Variants in SPOCK1 observed in about 807,000 individuals in gnomAD.
SPOCK1 encodes SPARC (osteonectin), cwcv and kazal like domains proteoglycan 1.
A neutral mutation model predicts 55.3 loss-of-function variants in SPOCK1; 23 were observed. The ratio of observed to expected loss-of-function variants is 0.42; its 90% CI spans 0.30 to 0.59. The LOEUF (loss-of-function observed/expected upper bound fraction) is 0.59. Among genes scored for constraint, SPOCK1 ranks in the 20% least tolerant of loss-of-function variants. The pLI is 0.22. For synonymous variants in SPOCK1, 226 were observed against 221.0 expected (o/e 1.02, Z -0.20); for missense variants, 499 against 552.5 (o/e 0.90, Z 0.97).
chr5:137,362,930 A>C (rs972707981), intron 2 of SPOCK1, among the ~76,000 whole-genome samples: 2 of 152,292 alleles, frequency 1.3e-5, no homozygotes, highest in South Asian at 4.1e-4. Context: ...AGATTAAATC[A>C]CTTGCCAGGC....
chr5:137,413,626 C>T (rs1358439355), intron 2 of SPOCK1, among the ~76,000 whole-genome samples: 1 of 152,146 alleles, frequency 6.6e-6, no homozygotes, highest in African/African-American at 2.4e-5. Flanking sequence ...CAAACCAAGA[C>T]CTGAGCTACA....
chr5:137,064,809 A>G (rs1752466009), intron 6 of SPOCK1, among the ~76,000 whole-genome samples: 1 of 152,134 alleles, frequency 6.6e-6, no homozygotes, highest in Admixed American at 6.6e-5. Context: ...CTCTTGCTCA[A>G]TTTTGTCCAG....
At chr5:137,362,550 G>A (rs1216314987) in intron 2 of SPOCK1, among the ~76,000 whole-genome samples, 2 of 151,740 alleles carry the variant, frequency 1.3e-5, no homozygotes, top group South Asian at 2.1e-4. Flanking sequence ...GGATGGTCTC[G>A]ATCTCCTGAC....
chr5:137,492,176 G>GCACATAACCCAGACTTGGA, intron 2 of SPOCK1, among the ~76,000 whole-genome samples: 1 of 152,108 alleles, frequency 6.6e-6, no homozygotes, highest in African/African-American at 2.4e-5. Context: ...CCAGCCCTGG[G>GCACATAACCCAGACTTGGA]CACATAACCC....
intron 3 of SPOCK1, among the ~76,000 whole-genome samples, chr5:137,179,103 C>T (rs1754917249): frequency 6.6e-6 from 1 of 152,158 alleles, no homozygotes; most frequent in Admixed American, 6.5e-5. Context: ...TTTCCTCCGA[C>T]ATCAAAAACA....
At chr5:136,985,592 T>C (rs1422218043) in intron 8 of SPOCK1, among the ~76,000 whole-genome samples, 2 of 152,024 alleles carry the variant, frequency 1.3e-5, no homozygotes, top group Non-Finnish European at 2.9e-5. Context: ...AGGTGACAAA[T>C]ACTTATATAG....
intron 3 of SPOCK1, among the ~76,000 whole-genome samples, chr5:137,239,497 A>C (rs1756243220): frequency 6.6e-6 from 1 of 152,228 alleles, no homozygotes; most frequent in Non-Finnish European, 1.5e-5. Context: ...ATGTATAGCC[A>C]GTCATCAGAG....
At position 137,170,149 on chromosome 5, in the gene SPOCK1, G is replaced by T. The variant is rs191541806; in HGVS notation, c.233-29455C>A. 2.0e-5 allele frequency among the ~76,000 whole-genome samples: 3 copies of T among 152,278 alleles called. No homozygotes were observed. In the East Asian group the frequency reaches 5.8e-4, roughly 29 times the overall value. On this transcript the variant is annotated intron_variant, in intron 3 of 10. Transcript: ENST00000394945. The stretch of plus-strand genomic sequence containing the variant: ...TGCATATAACCTCCATAATCCACCT[G>T]TTTGCTTTAAATCATCTCTAAATTA...
chr5:137,172,473 G>C (rs1754772057), intron 3 of SPOCK1, among the ~76,000 whole-genome samples: 1 of 152,120 alleles, frequency 6.6e-6, no homozygotes, highest in African/African-American at 2.4e-5. Flanking sequence ...CTCCCCTGCA[G>C]GAAGATGAGC....
chr5:137,484,357 C>T (rs1202062389), intron 2 of SPOCK1, among the ~76,000 whole-genome samples: 1 of 152,228 alleles, frequency 6.6e-6, no homozygotes, highest in Non-Finnish European at 1.5e-5. Flanking sequence ...AGCTTCTGCT[C>T]CCCAGCTCTG....
intron 5 of SPOCK1, among the ~76,000 whole-genome samples, chr5:137,093,356 T>A (rs1052415716): frequency 2.6e-5 from 4 of 152,168 alleles, no homozygotes; most frequent in Non-Finnish European, 5.9e-5. Context: ...AATCCAATGG[T>A]CCATCCAGCA....
intron 5 of SPOCK1, among the ~76,000 whole-genome samples, chr5:137,090,453 C>T (rs1190125901): frequency 1.3e-5 from 2 of 152,200 alleles, no homozygotes; most frequent in Admixed American, 1.3e-4. Flanking sequence ...ATAGACTGTT[C>T]AGGGAACAAC....
intron 3 of SPOCK1, among the ~76,000 whole-genome samples, chr5:137,259,688 T>TAAAAAAAAA (rs61576266): frequency 1.5e-5 from 2 of 130,244 alleles, no homozygotes. Flanking sequence ...CACATGAAAG[T>TAAAAAAAAA]AAAAAAAAAA....
In SPOCK1 at chr5:137,013,816, C is replaced by A. The variant is rs185277700; in HGVS notation, c.590-21216G>T. Reference sequence around the variant, plus strand: ...TATGAGACACTTCTCTTTTTCACTGCATCTACTGCTAATATTGCTAAGAGT... The same window carrying A: ...TATGAGACACTTCTCTTTTTCACTGAATCTACTGCTAATATTGCTAAGAGT... On this transcript the variant is annotated intron_variant, in intron 6 of 10. Coordinates refer to ENST00000394945, the MANE Select transcript of SPOCK1 (RefSeq NM_004598.4). Among the ~76,000 whole-genome samples the A allele has an allele frequency of 2.6e-5, 4 of 152,264 alleles. No homozygotes were observed. In the East Asian group the frequency reaches 5.8e-4, roughly 22 times the overall value.
intron 3 of SPOCK1, among the ~76,000 whole-genome samples, chr5:137,206,477 A>C (rs188726628): frequency 2.1e-4 from 32 of 152,318 alleles, no homozygotes; most frequent in Admixed American, 1.2e-3. Context: ...AGAAGCGTAC[A>C]TGACTGAATG....
At chr5:137,097,902 T>C (rs983141827) in intron 5 of SPOCK1, among the ~76,000 whole-genome samples, 13 of 152,010 alleles carry the variant, frequency 8.6e-5, no homozygotes, top group Non-Finnish European at 1.9e-4. Context: ...ACCACCACCA[T>C]CGGGCAGAAC....
intron 5 of SPOCK1, among the ~76,000 whole-genome samples, chr5:137,085,273 C>T (rs908770154): frequency 3.3e-5 from 5 of 152,084 alleles, no homozygotes; most frequent in East Asian, 1.9e-4. Context: ...GTGAGGGTAG[C>T]GGTCAGAAAG....
Position 137,202,842 on chromosome 5 carries a change from T to C in SPOCK1, c.233-62148A>G, listed in dbSNP as rs148091330. On this transcript the variant is annotated intron_variant, in intron 3 of 10. Transcript: ENST00000394945. ...AATAATCACTAGCATCCATATTCAT[T>C]GTAAGCCTTTTAAACTCGCTGGACA... 9.5e-3 allele frequency among the ~76,000 whole-genome samples: 1,449 copies of C among 152,326 alleles called. 17 individuals carry two copies. The highest frequency in any genetic ancestry group is 0.032 in the African/African-American group (1,319 of 41,566).
intron 4 of SPOCK1, among the ~76,000 whole-genome samples, chr5:137,125,573 G>A (rs537780783): frequency 6.6e-6 from 1 of 152,004 alleles, no homozygotes; most frequent in Non-Finnish European, 1.5e-5. Context: ...ACAATGTGAG[G>A]ACACAATGAA....
Sources: allele counts gnomAD v4.1 joint callset (sites outside exome capture counted in the v4.1 genomes callset), GRCh38; gene constraint gnomAD v4.1.1; transcripts MANE v1.5; gene names NCBI Gene and HGNC (gene_info 2026-07-23, HGNC 2026-07-21).